DENND5B: variants seen among roughly 807,000 people sequenced by gnomAD.
DENND5B encodes the protein DENN domain containing 5B, also known as DENN domain-containing protein 5B.
DENND5B carries 34 observed loss-of-function variants against 140.6 expected under a neutral mutation model. The ratio of observed to expected loss-of-function variants is 0.24; its 90% confidence interval spans 0.18 to 0.32. The LOEUF (loss-of-function observed/expected upper bound fraction) is 0.32, where lower values mean the gene tolerates loss of function less well. Among genes scored for constraint, DENND5B ranks in the 10% least tolerant of loss-of-function variants. DENND5B has a pLI of 1.00. For missense variants in DENND5B, 1,142 were observed against 1,560.2 expected (o/e 0.73, Z 4.52); for synonymous variants, 551 against 562.1 (o/e 0.98, Z 0.28).
At chr12:31,453,463 T>C (rs1944629150) in intron 4 of DENND5B, among the ~76,000 whole-genome samples, 1 of 152,320 alleles carries the variant, frequency 6.6e-6, no homozygotes, top group South Asian at 2.1e-4. Flanking sequence ...CTTCAAACAG[T>C]ATTTAACCTC....
intron 1 of DENND5B, among the ~76,000 whole-genome samples, chr12:31,547,414 T>C (rs555233279): frequency 6.6e-6 from 1 of 152,258 alleles, no homozygotes; most frequent in African/African-American, 2.4e-5. Flanking sequence ...TTTTTTGTTT[T>C]GTTTTTGAGA....
intron 1 of DENND5B, among the ~76,000 whole-genome samples, chr12:31,582,955 GAAGTA>G (rs975502557): frequency 6.6e-5 from 10 of 152,186 alleles, no homozygotes; most frequent in South Asian, 2.1e-4. Flanking sequence ...TATAGGAACT[GAAGTA>G]AAGTATTCAT....
chr12:31,549,220 A>G (rs1237694139), intron 1 of DENND5B, among the ~76,000 whole-genome samples: 2 of 152,052 alleles, frequency 1.3e-5, no homozygotes, highest in African/African-American at 4.8e-5. Context: ...TTAAATTCTG[A>G]CTTTAGTAAG....
At chr12:31,409,107 C>G (rs1268549730) in intron 14 of DENND5B, among the ~76,000 whole-genome samples, 156 bp downstream of exon 14, 1 of 152,186 alleles carries the variant, frequency 6.6e-6, no homozygotes, top group African/African-American at 2.4e-5. Flanking sequence ...CTGTAGCACT[C>G]TTAGCATTTG....
chr12:31,500,894 A>G (rs1034076291), intron 1 of DENND5B, among the ~76,000 whole-genome samples: 10 of 152,148 alleles, frequency 6.6e-5, no homozygotes, highest in Admixed American at 1.3e-4. Context: ...ACAGAACCCC[A>G]TAACTCCAGT....
At chr12:31,462,418 T>C (rs1034913619) in intron 3 of DENND5B, among the ~76,000 whole-genome samples, 3 of 151,784 alleles carry the variant, frequency 2.0e-5, no homozygotes, top group Admixed American at 2.0e-4. Flanking sequence ...CCCCTAGAAG[T>C]AGAAACTGTG....
chr12:31,450,230 T>C (rs959132182), intron 5 of DENND5B, among the ~76,000 whole-genome samples: 1 of 152,226 alleles, frequency 6.6e-6, no homozygotes, highest in African/African-American at 2.4e-5. Context: ...GAGATGTACC[T>C]TCCTCAAACT....
In DENND5B at chr12:31,385,507, A is replaced by G. The variant is rs1940812641; in HGVS notation, c.*2096T>C. On this transcript the variant is annotated 3_prime_UTR_variant, in exon 21 of 21. Transcript: ENST00000389082. ...ATGAAATCCTGGGTTGGACCCCTCT[A>G]TAGTTTCTGATCACCAAACACAGTA... 1 of 152,136 alleles carries G rather than the reference A, an allele frequency of 6.6e-6. No homozygotes were observed. Among genetic ancestry groups the G allele is most frequent in the African/African-American group, 2.4e-5 (1 of 41,440 alleles). The allele number at this position is 152,136 out of a possible 1,614,324, so 9.4% of individuals were successfully genotyped here. A position where few individuals can be genotyped will look rare whatever the true frequency, so the allele number is the denominator to read the frequency against.
intron 1 of DENND5B, among the ~76,000 whole-genome samples, chr12:31,501,785 A>AAG (rs1947015295): frequency 6.6e-6 from 1 of 151,604 alleles, no homozygotes; most frequent in African/African-American, 2.4e-5. Context: ...AAAAAAAAAA[A>AAG]AAGAAAGAAA....
At chr12:31,398,959 T>G (rs910054484) in intron 16 of DENND5B, among the ~76,000 whole-genome samples, 40 of 151,472 alleles carry the variant, frequency 2.6e-4, no homozygotes, top group African/African-American at 9.2e-4. Flanking sequence ...CCATCTCTAC[T>G]AAAAATACAG....
rs959252679 is a variant in DENND5B at position 31,392,865 on chromosome 12, T to A, written c.3257-169A>T. 5.5e-4 allele frequency among the ~76,000 whole-genome samples: 84 copies of A among 152,166 alleles called. 1 individual carries two copies. The highest frequency in any genetic ancestry group is 2.0e-3 in the African/African-American group (81 of 41,440). ...GGCCTGTTTGGCCAAGTGGGAAGCATCCTGGCAAAATGGAAAATAATCCAA... is the reference window on the plus strand; with the variant it reads ...GGCCTGTTTGGCCAAGTGGGAAGCAACCTGGCAAAATGGAAAATAATCCAA... On this transcript the variant is annotated intron_variant, in intron 17 of 20. Coordinates refer to ENST00000389082, the MANE Select transcript of DENND5B (RefSeq NM_144973.4).
Position 31,460,281 on chromosome 12 carries a change from T to C in DENND5B, c.1005A>G (p.Leu335=). 6.2e-7 allele frequency: 1 copy of C among 1,613,976 alleles called. No homozygotes were observed. Residue 335 remains leucine (L), a synonymous_variant, in exon 4 of 21, where the codon CTA becomes CTG. Coordinates refer to ENST00000389082, the MANE Select transcript of DENND5B (RefSeq NM_144973.4). ...AAGGGACAGGAGCATCAAGAAAATG[T>C]AGCAGAGAAGCAGGTAGAATGGGCA... ...VYVPILPASL[L]HFLDAPVPYL... is the part of the protein sequence containing the mutation.
chr12:31,416,623 T>C (rs960429729), intron 11 of DENND5B, among the ~76,000 whole-genome samples: 3 of 152,084 alleles, frequency 2.0e-5, no homozygotes, highest in East Asian at 1.9e-4. Context: ...AAGCAATGTA[T>C]ATAAATTAAG....
chr12:31,529,120 G>A (rs1416418929), intron 1 of DENND5B, among the ~76,000 whole-genome samples: 1 of 142,294 alleles, frequency 7.0e-6, no homozygotes, highest in Non-Finnish European at 1.5e-5. Context: ...CCAAGATAGC[G>A]CCACTAAACT....
intron 16 of DENND5B, 111 bp from the exon 17 acceptor site, chr12:31,398,473 T>C: frequency 9.4e-7 from 1 of 1,068,634 alleles, no homozygotes; most frequent in Non-Finnish European, 1.3e-6. Flanking sequence ...CCTGGCTAAT[T>C]TTTGTGTTTT....
rs200504562 is a variant in DENND5B, at chr12:31,392,270, T to C, written c.3463A>G (p.Ile1155Val). 41 of 1,613,920 alleles carry C rather than the reference T, an allele frequency of 2.5e-5. No homozygotes were observed. Among genetic ancestry groups the C allele is most frequent in the African/African-American group, 1.9e-4 (14 of 75,052 alleles). ...AATACACATCTACTTTATTTACCTA[T>C]GAAGTCCCAGATGAAGACATTCTTG... ...FHKNVFIWDF[I>V]EKVVAYFETT... The change falls in exon 19 of 21, where the codon ATA (isoleucine) becomes GTA (valine). Residue 1155 changes from isoleucine (I) to valine (V), a missense_variant. Transcript: ENST00000389082.
intron 1 of DENND5B, among the ~76,000 whole-genome samples, chr12:31,527,006 C>T (rs1201925180): frequency 6.6e-6 from 1 of 152,160 alleles, no homozygotes; most frequent in Non-Finnish European, 1.5e-5. Flanking sequence ...GGGAACAAAA[C>T]AAAGATTCCT....
chr12:31,433,859 AT>A (rs1490912571), intron 7 of DENND5B, among the ~76,000 whole-genome samples: 1 of 152,128 alleles, frequency 6.6e-6, no homozygotes, highest in Non-Finnish European at 1.5e-5. Context: ...TCTACAAAAA[AT>A]TTAAAAAATT....
At chr12:31,580,139 C>T (rs1950169195) in intron 1 of DENND5B, among the ~76,000 whole-genome samples, 1 of 152,038 alleles carries the variant, frequency 6.6e-6, no homozygotes, top group South Asian at 2.1e-4. Flanking sequence ...TTTAGTACAA[C>T]CACTTTCTGA....
Sources: allele counts gnomAD v4.1 joint callset (sites outside exome capture counted in the v4.1 genomes callset), GRCh38; gene constraint gnomAD v4.1.1; transcripts MANE v1.5; gene names NCBI Gene and HGNC (gene_info 2026-07-23, HGNC 2026-07-21).